DLG5: variants seen among roughly 807,000 people sequenced by gnomAD.
DLG5 encodes discs large MAGUK scaffold protein 5.
A neutral mutation model predicts 189.8 loss-of-function variants in DLG5; 48 were observed. The observed-to-expected ratio is 0.25, with a 90% CI of 0.20 to 0.32. The LOEUF is 0.32. Among genes scored for constraint, DLG5 ranks in the 10% least tolerant of loss-of-function variants. The pLI is 1.00. For synonymous variants in DLG5, 1,016 were observed against 1,054.1 expected, an observed-to-expected ratio of 0.96 and a Z score of 0.70; for missense variants, 2,160 against 2,544.7, an observed-to-expected ratio of 0.85 and a Z score of 3.25.
Position 77,817,027 on chromosome 10 carries a change from C to G in DLG5, c.3854G>C (p.Ser1285Thr). The G allele has an allele frequency of 1.9e-6, 3 of 1,614,150 alleles. No homozygotes were observed. Among genetic ancestry groups the G allele is most frequent in the Non-Finnish European group, 1.7e-6 (2 of 1,180,034 alleles). Residue 1285 changes from serine to threonine, a missense_variant, in exon 19 of 32, where the codon AGT (serine) becomes ACT (threonine). Physicochemically the swap from Ser to Thr is moderately conservative, Grantham distance 58. Around this residue, in one of 5 missense-constraint regions of DLG5, gnomAD observed 754 missense variants for 746.5 expected, o/e 1.01. Coordinates refer to ENST00000372391, the MANE Select transcript of DLG5 (RefSeq NM_004747.4). The part of the protein sequence containing the change: ...KIPSTPRYPR[S>T]VVGSERGSVS... ...CTTACCTCTCTCGGAGCCCACGACA[C>G]TCCGCGGATATCTTGGTGTTGATGG...
At chr10:77,867,139 C>A (rs1181053762) in intron 2 of DLG5, 1 of 451,866 alleles carries the variant, frequency 2.2e-6, no homozygotes, top group Non-Finnish European at 4.5e-6. Flanking sequence ...TGGGTCACGG[C>A]CATGACGCTT....
At chr10:77,820,442 C>G (rs748786264) in intron 15 of DLG5, 16 of 166,580 alleles carry the variant, frequency 9.6e-5, no homozygotes, top group Non-Finnish European at 1.7e-4. Flanking sequence ...CACTGGGGCA[C>G]AGGAAGGGAC....
intron 1 of DLG5, among the ~76,000 whole-genome samples, chr10:77,894,580 ACAG>A (rs1245452993): frequency 6.8e-6 from 1 of 147,190 alleles, no homozygotes; most frequent in Non-Finnish European, 1.5e-5. Context: ...GGTAGGAAGA[ACAG>A]CTCAGAATCC....
At chr10:77,904,769 T>TA (rs113803144) in intron 1 of DLG5, among the ~76,000 whole-genome samples, 58,242 of 146,696 alleles carry the variant, frequency 0.4, 13,030 homozygotes, top group African/African-American at 0.63. Flanking sequence ...TTCTTCCAAA[T>TA]AAAAAAAAAA....
At chr10:77,815,448 T>C (rs1432927098) in intron 20 of DLG5, among the ~76,000 whole-genome samples, 2 of 152,076 alleles carry the variant, frequency 1.3e-5, no homozygotes, top group Non-Finnish European at 2.9e-5. Context: ...TCACCTGAGG[T>C]CAGGAGTTCA....
At chr10:77,869,327 G>A (rs1248656) in intron 1 of DLG5, 130 bp from the exon 2 acceptor site, 229,358 of 831,304 alleles carry the variant, frequency 0.28, 33,250 homozygotes, top group Admixed American at 0.41. Context: ...CCACATCCAC[G>A]GGCCAAGCAG....
intron 1 of DLG5, among the ~76,000 whole-genome samples, chr10:77,896,213 A>G (rs926966856): frequency 7.9e-5 from 12 of 152,222 alleles, no homozygotes; most frequent in African/African-American, 2.9e-4. Flanking sequence ...AGATCTGTCA[A>G]CCATGGATAA....
chr10:77,931,248 C>A (rs1174774128), upstream of DLG5, among the ~76,000 whole-genome samples: 1 of 151,756 alleles, frequency 6.6e-6, no homozygotes, highest in Non-Finnish European at 1.5e-5. Context: ...AGCCACTGTG[C>A]CCCGCCCTAT....
chr10:77,922,024 A>G (rs958370031), intron 1 of DLG5, among the ~76,000 whole-genome samples: 1 of 152,198 alleles, frequency 6.6e-6, no homozygotes, highest in African/African-American at 2.4e-5. Context: ...CGAGTTTTTT[A>G]TAAAAGAAAA....
intron 1 of DLG5, among the ~76,000 whole-genome samples, chr10:77,922,568 G>T (rs947469561): frequency 1.3e-5 from 2 of 152,132 alleles, no homozygotes; most frequent in Non-Finnish European, 2.9e-5. Context: ...TAGTGGGAAG[G>T]CCTAACCAGG....
At chr10:77,909,892 C>G (rs1846169388) in intron 1 of DLG5, among the ~76,000 whole-genome samples, 2 of 152,120 alleles carry the variant, frequency 1.3e-5, no homozygotes, top group African/African-American at 4.8e-5. Flanking sequence ...ATCCTCTTAT[C>G]TTTATAAAAG....
intron 24 of DLG5, among the ~76,000 whole-genome samples, chr10:77,808,226 T>G (rs1255873298): frequency 2.6e-5 from 4 of 152,244 alleles, no homozygotes; most frequent in Non-Finnish European, 5.9e-5. Flanking sequence ...AGTCTGGGCT[T>G]TTCAGAATAG....
At chr10:77,869,251 C>T (rs1844806577) in intron 1 of DLG5, 54 bp from the exon 2 acceptor site, 1 of 1,543,198 alleles carries the variant, frequency 6.5e-7, no homozygotes, top group Non-Finnish European at 8.9e-7. Flanking sequence ...CTCGTCTTCA[C>T]CCCAAGCCAG....
intron 11 of DLG5, 88 bp downstream of exon 11, chr10:77,830,129 A>C: frequency 2.6e-6 from 4 of 1,543,304 alleles, no homozygotes; most frequent in Non-Finnish European, 3.5e-6. Flanking sequence ...GGAAACGTTC[A>C]CCTAAGTGCT....
At chr10:77,871,979 G>A (rs1844920372) in intron 1 of DLG5, among the ~76,000 whole-genome samples, 2 of 152,130 alleles carry the variant, frequency 1.3e-5, no homozygotes, top group South Asian at 4.1e-4. Context: ...CCAACACAAT[G>A]CCTATTTTCT....
At chr10:77,795,566 C>T (rs1050662222) in intron 29 of DLG5, among the ~76,000 whole-genome samples, 5 of 152,068 alleles carry the variant, frequency 3.3e-5, no homozygotes, top group African/African-American at 7.2e-5. Flanking sequence ...CCTTGGACTC[C>T]GAGTGTTTGC....
At position 77,806,862 on chromosome 10, in the gene DLG5, G is replaced by A. The variant is rs1405197042; in HGVS notation, c.4863C>T (p.Tyr1621=). 6.8e-6 allele frequency: 11 copies of A among 1,614,070 alleles called. No individual in the cohort carries two copies. Among genetic ancestry groups the A allele is most frequent in the Middle Eastern group, 3.3e-4 (2 of 6,060 alleles). The change falls in exon 26 of 32, where the codon TAC becomes TAT. Residue 1621 remains tyrosine (Y), a synonymous_variant. Transcript: ENST00000372391. ...ELSFKKDDIL[Y]VDDTLPQGTF... is the part of the protein sequence containing the mutation. ...TGCCCTGGGGTAAGGTGTCATCCAC[G>A]TAGAGGATGTCGTCCTTCTTAAAGC...
At chr10:77,827,590 C>T (rs758337177) in intron 13 of DLG5, among the ~76,000 whole-genome samples, 79 of 152,310 alleles carry the variant, frequency 5.2e-4, no homozygotes, top group Non-Finnish European at 3.7e-4. Flanking sequence ...AGCAATCTCA[C>T]GGCATTTGTA....
intron 27 of DLG5, among the ~76,000 whole-genome samples, chr10:77,799,922 G>A (rs1256404204): frequency 6.6e-6 from 1 of 152,044 alleles, no homozygotes; most frequent in Non-Finnish European, 1.5e-5. Flanking sequence ...GTGGTATTTG[G>A]TTACAGCAGC....
Sources: gnomAD v4.1 joint callset for allele counts (sites outside exome capture counted in the v4.1 genomes callset) on GRCh38, gnomAD v4.1.1 for gene constraint, gnomAD v4.1.1 regional missense constraint, MANE v1.5 for transcripts, NCBI Gene and HGNC (gene_info 2026-07-23, HGNC 2026-07-21) for gene names.